Variants in FAAH observed in about 807,000 individuals in gnomAD.
The protein encoded by FAAH is fatty-acid amide hydrolase 1.
A neutral mutation model predicts 69.7 loss-of-function variants in FAAH; 63 were observed. The observed-to-expected ratio is 0.90, with a 90% CI of 0.74 to 1.12. The LOEUF is 1.12. FAAH is among the 50% of genes most tolerant of loss of function. The pLI, the probability that FAAH is intolerant of heterozygous loss-of-function variation, is 0.00. For missense variants in FAAH, 680 were observed against 755.0 expected (o/e 0.90, Z 1.16); for synonymous variants, 305 against 324.2 (o/e 0.94, Z 0.64).
chr1:46,402,274 C>T (rs1664717876), intron 2 of FAAH, 70 bp downstream of exon 2: 10 of 1,287,338 alleles, frequency 7.8e-6, no homozygotes, highest in South Asian at 5.1e-5. Flanking sequence ...CTCCCTTTCC[C>T]CTCCCTCTGT....
intron 8 of FAAH, 67 bp from the exon 9 acceptor site, chr1:46,409,034 C>A: frequency 2.2e-6 from 3 of 1,362,404 alleles, no homozygotes; most frequent in Non-Finnish European, 2.1e-6. Flanking sequence ...CAGGGCCGCC[C>A]AGACAGCATG....
At chr1:46,399,308 A>G (rs1664655732) in intron 1 of FAAH, among the ~76,000 whole-genome samples, 1 of 152,246 alleles carries the variant, frequency 6.6e-6, no homozygotes, top group Non-Finnish European at 1.5e-5. Context: ...TGTTACCTGT[A>G]TACTATACTT....
At chr1:46,409,633 C>T (rs1664863843) in intron 9 of FAAH, among the ~76,000 whole-genome samples, 1 of 152,146 alleles carries the variant, frequency 6.6e-6, no homozygotes, top group South Asian at 2.1e-4. Context: ...TTGGACCAGA[C>T]TCCCTTTAAG....
intron 8 of FAAH, 38 bp from the exon 9 acceptor site, chr1:46,409,063 G>GT: frequency 6.4e-7 from 1 of 1,554,530 alleles, no homozygotes. Flanking sequence ...GAAGCCAGTT[G>GT]TTAGGTCAGG....
rs1569820401 is a variant in FAAH, at chr1:46,408,445, T to G, written c.952-14T>G. ...TCTCCTGACCTGCCCCTGTCCCCTG[T>G]GTTTTCCCTCCAGGTCTACACCAGC... On this transcript the variant is annotated splice_polypyrimidine_tract_variant and intron_variant, in intron 7 of 14. Coordinates refer to ENST00000243167, the MANE Select transcript of FAAH (RefSeq NM_001441.3). 1.9e-6 allele frequency: 3 copies of G among 1,613,978 alleles called. No individual in the cohort carries two copies. The highest frequency in any genetic ancestry group is 2.7e-5 in the African/African-American group (2 of 74,900).
At chr1:46,396,221 C>T (rs1205386743) in intron 1 of FAAH, among the ~76,000 whole-genome samples, 1 of 152,158 alleles carries the variant, frequency 6.6e-6, no homozygotes, top group Non-Finnish European at 1.5e-5. Context: ...ACAAGCATCT[C>T]AGTGCAGTAA....
intron 1 of FAAH, among the ~76,000 whole-genome samples, chr1:46,397,047 T>C (rs1664609146): frequency 6.6e-6 from 1 of 152,218 alleles, no homozygotes; most frequent in Non-Finnish European, 1.5e-5. Flanking sequence ...TCAACCCAAA[T>C]TGGCCATCTC....
Position 46,413,734 on chromosome 1 carries a change from T to A in FAAH, c.*159T>A. The A allele has an allele frequency of 1.0e-6, 1 of 1,004,974 alleles. No individual in the cohort carries two copies. Among genetic ancestry groups the A allele is most frequent in the Non-Finnish European group, 1.5e-6 (1 of 670,158 alleles). The allele number at this position is 1,004,974 out of a possible 1,614,324, so 62.3% of individuals were successfully genotyped here. On this transcript the variant is annotated 3_prime_UTR_variant, in exon 15 of 15. Transcript: ENST00000243167. ...CTGCAAGAAGCGCCGACTCCCTGAG[T>A]CTGGACCTCCATCCCTGCTCTGGTC...
In FAAH at chr1:46,409,144, C is replaced by A. The variant is rs141308970; in HGVS notation, c.1121C>A (p.Thr374Asn). ...LPSNIPHALE[T>N]LSTGGLFSDG... ...AGCAACATACCCCATGCTCTGGAGA[C>A]CCTGTCAACAGGTGGGCTCTTCAGT... The change falls in exon 9 of 15, where the codon ACC becomes AAC. Residue 374 changes from threonine to asparagine, a missense_variant. By Grantham distance (65) the Thr-to-Asn change is moderately conservative (BLOSUM62 0). Transcript: ENST00000243167. The A allele has an allele frequency of 6.2e-6, 10 of 1,614,086 alleles. No homozygotes were observed. In the African/African-American group the frequency reaches 1.3e-4, roughly 22 times the overall value.
intron 1 of FAAH, among the ~76,000 whole-genome samples, chr1:46,397,584 C>T (rs999456888): frequency 2.0e-5 from 3 of 152,088 alleles, no homozygotes; most frequent in South Asian, 2.1e-4. Context: ...GTTTTTGAGA[C>T]GGAGTCTTGC....
chr1:46,407,344 A>G (rs1664818147), intron 7 of FAAH, among the ~76,000 whole-genome samples: 1 of 152,114 alleles, frequency 6.6e-6, no homozygotes, highest in South Asian at 2.1e-4. Context: ...AAGATTGGTT[A>G]AGATCCTTAA....
intron 1 of FAAH, among the ~76,000 whole-genome samples, chr1:46,399,018 T>C (rs1186572672): frequency 6.6e-6 from 1 of 152,202 alleles, no homozygotes; most frequent in Non-Finnish European, 1.5e-5. Flanking sequence ...AGTTTTGATA[T>C]CTTTTCTAGA....
chr1:46,411,548 T>A lies in FAAH; in HGVS notation c.1317-64T>A. On this transcript the variant is annotated intron_variant, in intron 11 of 14. Transcript: ENST00000243167. This position sits in a 1 kb window ranked among gnomAD's most constrained non-coding sequence, Gnocchi z 4.8. The stretch of plus-strand genomic sequence containing the variant: ...AGATCTAGAGGGTTGGCAGTAGGGG[T>A]CTGATGTTGCTGATCTCCGTGGCTG... The A allele has an allele frequency of 6.4e-7, 1 of 1,568,152 alleles. No individual in the cohort carries two copies. The highest frequency in any genetic ancestry group is 8.8e-7 in the Non-Finnish European group (1 of 1,141,376).
rs1557759100 is a variant in FAAH, at chr1:46,405,653, G to C, written c.644G>C (p.Gly215Ala). The C allele has an allele frequency of 6.2e-7, 1 of 1,613,562 alleles. No homozygotes were observed. The highest frequency in any genetic ancestry group is 1.1e-5 in the South Asian group (1 of 91,088). ...CCATGGAAGTCCTCCAAAAGCCCAGGGGGCTCCTCAGGGGGTGAAGGGGCC... is the reference window on the plus strand; with the variant it reads ...CCATGGAAGTCCTCCAAAAGCCCAGCGGGCTCCTCAGGGGGTGAAGGGGCC... ...VNPWKSSKSPGGSSGGEGALI... is the reference protein window; with the variant it reads ...VNPWKSSKSPAGSSGGEGALI... Residue 215 changes from glycine (G) to alanine (A), a missense_variant, in exon 5 of 15, where the codon GGG (glycine) becomes GCG (alanine). Transcript: ENST00000243167. The surrounding 1 kb of genome is among the most constrained non-coding windows in gnomAD (Gnocchi z 4.1).
chr1:46,411,369 G>A lies in FAAH; in HGVS notation c.1317-243G>A, dbSNP rs935351311. Among the ~76,000 whole-genome samples the A allele has an allele frequency of 2.0e-5, 3 of 152,220 alleles. No individual in the cohort carries two copies. Among genetic ancestry groups the A allele is most frequent in the South Asian group, 2.1e-4 (1 of 4,836 alleles). The stretch of plus-strand genomic sequence containing the variant: ...GCCTCTCCCGTGTCCTGAGGGTAGC[G>A]AGGAATCGGGCCTGGGCTAGTCCTG... On this transcript the variant is annotated intron_variant, in intron 11 of 14. Coordinates refer to ENST00000243167, the MANE Select transcript of FAAH (RefSeq NM_001441.3). The surrounding 1 kb of genome is among the most constrained non-coding windows in gnomAD (Gnocchi z 4.8).
In FAAH at chr1:46,404,073, GGCTGC is replaced by G. The variant is rs1664749109; in HGVS notation, c.310-940_310-936del. 6.6e-6 allele frequency among the ~76,000 whole-genome samples: 1 copy of G among 152,162 alleles called. No homozygotes were observed. Among genetic ancestry groups the G allele is most frequent in the South Asian group, 2.1e-4 (1 of 4,832 alleles). Reference sequence around the variant, plus strand: ...GCAGTGTATGTGACAATGCTGTGGGGGCTGCAGCTGAGGAAGCGAGCGCATGCTGG... The same window carrying G: ...GCAGTGTATGTGACAATGCTGTGGGGAGCTGAGGAAGCGAGCGCATGCTGG... On this transcript the variant is annotated intron_variant, in intron 2 of 14. Coordinates refer to ENST00000243167, the MANE Select transcript of FAAH (RefSeq NM_001441.3). This position sits in a 1 kb window ranked among gnomAD's most constrained non-coding sequence, Gnocchi z 4.5.
Position 46,406,033 on chromosome 1 carries a change from T to G in FAAH, c.786-5T>G. 3 of 1,614,172 alleles carry G rather than the reference T, an allele frequency of 1.9e-6. No individual in the cohort carries two copies. The highest frequency in any genetic ancestry group is 2.5e-6 in the Non-Finnish European group (3 of 1,180,030). On this transcript the variant is annotated splice_polypyrimidine_tract_variant and splice_region_variant and intron_variant, in intron 5 of 14. Coordinates refer to ENST00000243167, the MANE Select transcript of FAAH (RefSeq NM_001441.3). ...TGTTTCCAGCATCTTATGTTTCTTA[T>G]CCAGCAAGAGTGGCCTGAAGGGCTG...
Position 46,406,181 on chromosome 1 carries a change from C to A in FAAH, c.827-63C>A, listed in dbSNP as rs1664791037. Reference sequence around the variant, plus strand: ...GGCAGGGCAGTGTCTGGCCCCCAGGCTGCTCTAGGTCTGGGTTCCTCGCTC... The same window carrying A: ...GGCAGGGCAGTGTCTGGCCCCCAGGATGCTCTAGGTCTGGGTTCCTCGCTC... On this transcript the variant is annotated intron_variant, in intron 6 of 14. Transcript: ENST00000243167. The A allele has an allele frequency of 5.6e-6, 9 of 1,614,008 alleles. 1 individual carries two copies. The South Asian group carries it at 8.8e-5, about 16-fold the overall frequency.
chr1:46,412,094 G>A, intron 12 of FAAH, 49 bp from the exon 13 acceptor site: 1 of 1,480,090 alleles, frequency 6.8e-7, no homozygotes. Flanking sequence ...AAGAGCCTGG[G>A]GTGGGCTAGG....
Sources: gnomAD v4.1 joint callset for allele counts (sites outside exome capture counted in the v4.1 genomes callset) on GRCh38, gnomAD v4.1.1 for gene constraint, Gnocchi (gnomAD v3.1) non-coding constraint, MANE v1.5 for transcripts, NCBI Gene and HGNC (gene_info 2026-07-23, HGNC 2026-07-21) for gene names.